FAM168A: variants seen among roughly 807,000 people sequenced by gnomAD.
FAM168A encodes protein FAM168A.
In FAM168A, 3 loss-of-function variants were observed where a neutral mutation model predicts 28.5. The ratio of observed to expected loss-of-function variants is 0.11; its 90% CI spans 0.05 to 0.27. The LOEUF (loss-of-function observed/expected upper bound fraction) is 0.27. FAM168A is among the 10% of genes least tolerant of loss of function. The pLI is 1.00. For synonymous variants in FAM168A, 122 were observed against 124.2 expected, an observed-to-expected ratio of 0.98 and a Z score of 0.12; for missense variants, 222 against 311.5, an observed-to-expected ratio of 0.71 and a Z score of 2.16.
chr11:73,580,732 C>T (rs1186093040), intron 1 of FAM168A, among the ~76,000 whole-genome samples: 1 of 152,230 alleles, frequency 6.6e-6, no homozygotes, highest in Non-Finnish European at 1.5e-5. Flanking sequence ...GGGAAAACAC[C>T]TTTCCCTTCC....
At chr11:73,477,085 G>T (rs1481460808) in intron 1 of FAM168A, among the ~76,000 whole-genome samples, 1 of 152,022 alleles carries the variant, frequency 6.6e-6, no homozygotes, top group Non-Finnish European at 1.5e-5. Flanking sequence ...GCAGCTGGAG[G>T]TCATTATCCT....
chr11:73,426,223 C>A (rs1866882226), intron 3 of FAM168A, among the ~76,000 whole-genome samples: 2 of 152,104 alleles, frequency 1.3e-5, no homozygotes, highest in South Asian at 4.1e-4. Flanking sequence ...TTAATAGGTC[C>A]CTCGATTCTG....
At chr11:73,552,185 C>T (rs1461520345) in intron 1 of FAM168A, among the ~76,000 whole-genome samples, 3 of 152,090 alleles carry the variant, frequency 2.0e-5, no homozygotes, top group Non-Finnish European at 4.4e-5. Context: ...GGTTCAATTC[C>T]AACTCTACCT....
intron 4 of FAM168A, among the ~76,000 whole-genome samples, chr11:73,417,555 CTCTCTT>C (rs2134491391): frequency 6.8e-6 from 1 of 146,842 alleles, no homozygotes; most frequent in Non-Finnish European, 1.5e-5. Context: ...ACATACCTCT[CTCTCTT>C]TTTTTTTTTT....
chr11:73,555,247 G>A (rs1943876138), intron 1 of FAM168A, among the ~76,000 whole-genome samples: 1 of 152,114 alleles, frequency 6.6e-6, no homozygotes, highest in Admixed American at 6.6e-5. Flanking sequence ...TGAATATCTG[G>A]TCTACCATTA....
chr11:73,450,804 A>C (rs1867413656), intron 2 of FAM168A, among the ~76,000 whole-genome samples: 1 of 152,186 alleles, frequency 6.6e-6, no homozygotes, highest in South Asian at 2.1e-4. Context: ...TCTCTTAAAA[A>C]AGATGCTTTG....
intron 4 of FAM168A, among the ~76,000 whole-genome samples, chr11:73,414,627 A>G (rs552832078): frequency 2.6e-5 from 4 of 152,250 alleles, no homozygotes; most frequent in Non-Finnish European, 5.9e-5. Flanking sequence ...TACCTACTTC[A>G]TTGTGATAAA....
At chr11:73,503,658 T>G (rs1855053389) in intron 1 of FAM168A, among the ~76,000 whole-genome samples, 1 of 152,198 alleles carries the variant, frequency 6.6e-6, no homozygotes, top group Non-Finnish European at 1.5e-5. Context: ...ATTTTAAATT[T>G]CATATGGAAT....
At chr11:73,446,230 AATC>A (rs1867311709) in intron 2 of FAM168A, among the ~76,000 whole-genome samples, 1 of 152,164 alleles carries the variant, frequency 6.6e-6, no homozygotes, top group African/African-American at 2.4e-5. Flanking sequence ...TATGACCTAT[AATC>A]AGTTGAAATT....
In FAM168A at chr11:73,457,592, T is replaced by C. The variant is rs141201014; in HGVS notation, c.70+10813A>G. On this transcript the variant is annotated intron_variant, in intron 2 of 7. Transcript: ENST00000356467. ...ATTATACACTTAAAAATGGTTAAAA[T>C]TGGCCAGGTGCAGTGGCTCATGCCT... Among the ~76,000 whole-genome samples, 887 of 151,478 alleles carry C rather than the reference T, an allele frequency of 5.9e-3. 8 individuals are homozygous for C. The highest frequency in any genetic ancestry group is 0.027 in the Middle Eastern group (8 of 294).
intron 1 of FAM168A, among the ~76,000 whole-genome samples, chr11:73,492,600 C>A (rs572232754): frequency 4.9e-4 from 74 of 152,266 alleles, no homozygotes; most frequent in Non-Finnish European, 1.5e-4. Flanking sequence ...GAGATCGCAC[C>A]TCTGCACTCC....
intron 1 of FAM168A, among the ~76,000 whole-genome samples, chr11:73,491,818 A>G (rs2134609083): frequency 6.6e-6 from 1 of 152,230 alleles, no homozygotes; most frequent in South Asian, 2.1e-4. Flanking sequence ...ATAATCCCCA[A>G]TTCTTTTCCC....
At chr11:73,577,226 C>T (rs1944188145) in intron 1 of FAM168A, among the ~76,000 whole-genome samples, 1 of 152,194 alleles carries the variant, frequency 6.6e-6, no homozygotes, top group Admixed American at 6.5e-5. Flanking sequence ...ATCCTCCCAA[C>T]AACCCTCTGA....
intron 1 of FAM168A, among the ~76,000 whole-genome samples, chr11:73,484,281 T>TA (rs1288605515): frequency 2.6e-5 from 4 of 152,138 alleles, no homozygotes; most frequent in East Asian, 1.9e-4. Flanking sequence ...ATAAGCTGAA[T>TA]AGCCCAGCCT....
chr11:73,416,438 T>C (rs1266730087), intron 4 of FAM168A, among the ~76,000 whole-genome samples: 1 of 152,208 alleles, frequency 6.6e-6, no homozygotes, highest in African/African-American at 2.4e-5. Context: ...GTCTGAATCT[T>C]GCTTTGACCC....
At chr11:73,566,999 G>A (rs1944027529) in intron 1 of FAM168A, among the ~76,000 whole-genome samples, 1 of 152,146 alleles carries the variant, frequency 6.6e-6, no homozygotes, top group East Asian at 1.9e-4. Context: ...AGATTTGGCA[G>A]TTTAACAGCG....
intron 1 of FAM168A, among the ~76,000 whole-genome samples, chr11:73,504,540 T>C (rs1246267884): frequency 6.6e-6 from 1 of 152,196 alleles, no homozygotes; most frequent in Non-Finnish European, 1.5e-5. Flanking sequence ...TAAGAACGCT[T>C]TTACACTGTT....
At chr11:73,573,755 C>A (rs1385967665) in intron 1 of FAM168A, among the ~76,000 whole-genome samples, 1 of 151,988 alleles carries the variant, frequency 6.6e-6, no homozygotes, top group East Asian at 1.9e-4. Context: ...GACAGGAGTT[C>A]GAAACCAGTC....
intron 1 of FAM168A, among the ~76,000 whole-genome samples, chr11:73,544,757 G>GTAATTATATA (rs1234622623): frequency 1.2e-5 from 1 of 85,642 alleles, no homozygotes; most frequent in Non-Finnish European, 2.1e-5. Context: ...TATTTTATAT[G>GTAATTATATA]TAATTATATA....
Sources: gnomAD v4.1 joint callset for allele counts (sites outside exome capture counted in the v4.1 genomes callset) on GRCh38, gnomAD v4.1.1 for gene constraint, MANE v1.5 for transcripts, NCBI Gene and HGNC (gene_info 2026-07-23, HGNC 2026-07-21) for gene names.